Variants in ROBO2 observed in about 807,000 individuals in gnomAD.
The protein encoded by ROBO2 is roundabout guidance receptor 2.
In ROBO2, 53 loss-of-function variants were observed where a neutral mutation model predicts 160.8. The ratio of observed to expected loss-of-function variants is 0.33; its 90% CI spans 0.26 to 0.41. The LOEUF (loss-of-function observed/expected upper bound fraction) is 0.41, where lower values mean the gene tolerates loss of function less well. Among genes scored for constraint, ROBO2 ranks in the 10% least tolerant of loss-of-function variants. The pLI, the probability that ROBO2 is intolerant of heterozygous loss-of-function variation, is 1.00. For synonymous variants in ROBO2, 664 were observed against 611.7 expected, an observed-to-expected ratio of 1.09 and a Z score of -1.26; for missense variants, 1,577 against 1,722.4, an observed-to-expected ratio of 0.92 and a Z score of 1.49.
chr3:76,333,968 A>G (rs867380717), intron 2 of ROBO2, among the ~76,000 whole-genome samples: 1 of 152,134 alleles, frequency 6.6e-6, no homozygotes, highest in African/African-American at 2.4e-5. Context: ...CGGGATGGGG[A>G]ACATCACACA....
intron 2 of ROBO2, among the ~76,000 whole-genome samples, chr3:76,410,908 G>C (rs2075453147): frequency 6.6e-6 from 1 of 152,094 alleles, no homozygotes; most frequent in Non-Finnish European, 1.5e-5. Flanking sequence ...TAGGATTTTG[G>C]TCTTATGAAG....
intron 2 of ROBO2, among the ~76,000 whole-genome samples, chr3:76,226,111 A>T (rs1035920680): frequency 1.3e-5 from 2 of 152,200 alleles, no homozygotes; most frequent in African/African-American, 4.8e-5. Flanking sequence ...GAGATTCCTT[A>T]AAAAATAAAC....
intron 2 of ROBO2, among the ~76,000 whole-genome samples, chr3:76,009,797 G>T (rs1315716267): frequency 6.6e-6 from 1 of 152,122 alleles, no homozygotes; most frequent in African/African-American, 2.4e-5. Flanking sequence ...TTAAAGGTTG[G>T]CATGTAAGAA....
chr3:76,363,401 G>A (rs1321518870), intron 2 of ROBO2, among the ~76,000 whole-genome samples: 1 of 152,048 alleles, frequency 6.6e-6, no homozygotes, highest in South Asian at 2.1e-4. Flanking sequence ...CAAACATTAA[G>A]ATGTTTAACA....
intron 5 of ROBO2, among the ~76,000 whole-genome samples, chr3:77,520,499 G>A (rs1240486337): frequency 6.6e-6 from 1 of 150,896 alleles, no homozygotes; most frequent in Non-Finnish European, 1.5e-5. Context: ...ATGACCAATC[G>A]AAATAATATA....
rs2080246565 is a variant in ROBO2, at chr3:76,497,970, CTTTA to C, written c.109+560372_109+560375del. Among the ~76,000 whole-genome samples the C allele has an allele frequency of 2.6e-5, 4 of 152,298 alleles. No individual in the cohort carries two copies. The South Asian group carries it at 8.3e-4, about 32-fold the overall frequency. The stretch of plus-strand genomic sequence containing the variant: ...AAGCCAATGCTTCTTCCTTAACCTG[CTTTA>C]TTTGTCTTCACAACTTATCACTCCC... On this transcript the variant is annotated intron_variant, in intron 2 of 26. Transcript: ENST00000487694.
At chr3:77,175,576 T>A (rs1270369389) in intron 2 of ROBO2, among the ~76,000 whole-genome samples, 1 of 151,938 alleles carries the variant, frequency 6.6e-6, no homozygotes, top group Non-Finnish European at 1.5e-5. Context: ...TGGATAATCA[T>A]TTAGAAGCTA....
intron 2 of ROBO2, among the ~76,000 whole-genome samples, chr3:76,655,100 G>A (rs964028806): frequency 1.3e-5 from 2 of 150,626 alleles, no homozygotes; most frequent in African/African-American, 2.4e-5. Flanking sequence ...TAAATTTTAT[G>A]AATAGTATGG....
intron 2 of ROBO2, among the ~76,000 whole-genome samples, chr3:77,034,065 C>T (rs963430538): frequency 1.3e-5 from 2 of 149,380 alleles, no homozygotes; most frequent in Non-Finnish European, 1.5e-5. Context: ...GCCAAAATTG[C>T]TCAGAGAAAA....
intron 19 of ROBO2, 85 bp from the exon 21 acceptor site, chr3:77,602,125 C>A: frequency 7.3e-7 from 1 of 1,363,598 alleles, no homozygotes; most frequent in African/African-American, 1.4e-5. Flanking sequence ...TGCAGTGTGA[C>A]ACACTTATTT....
At chr3:77,161,144 C>T (rs755482925) in intron 2 of ROBO2, among the ~76,000 whole-genome samples, 4 of 152,132 alleles carry the variant, frequency 2.6e-5, no homozygotes, top group Non-Finnish European at 5.9e-5. Context: ...GCATGACTGC[C>T]TAGGGCATCT....
chr3:77,022,863 T>A (rs566874155), intron 2 of ROBO2, among the ~76,000 whole-genome samples: 1 of 152,300 alleles, frequency 6.6e-6, no homozygotes, highest in African/African-American at 2.4e-5. Flanking sequence ...ATTCACGTTG[T>A]TGTGCGGCCA....
intron 4 of ROBO2, among the ~76,000 whole-genome samples, chr3:77,490,377 A>T (rs1280882589): frequency 6.6e-6 from 1 of 152,110 alleles, no homozygotes; most frequent in African/African-American, 2.4e-5. Flanking sequence ...GGCGTGAGCC[A>T]CCACGCCCGG....
At chr3:77,201,294 A>G (rs909388449) in intron 2 of ROBO2, among the ~76,000 whole-genome samples, 3 of 152,186 alleles carry the variant, frequency 2.0e-5, no homozygotes, top group African/African-American at 4.8e-5. Context: ...TAGTGAGGGA[A>G]TACCTGACCA....
chr3:77,138,525 T>C (rs2076454491), intron 2 of ROBO2, among the ~76,000 whole-genome samples: 1 of 152,172 alleles, frequency 6.6e-6, no homozygotes, highest in African/African-American at 2.4e-5. Context: ...AACTATGTAT[T>C]CATATTAGAG....
At chr3:76,642,607 C>T (rs2090751980) in intron 2 of ROBO2, among the ~76,000 whole-genome samples, 1 of 151,972 alleles carries the variant, frequency 6.6e-6, no homozygotes, top group Non-Finnish European at 1.5e-5. Context: ...CCGCCTCGGC[C>T]TCCCAAAGTG....
At chr3:75,955,277 GT>G (rs781635858) in intron 2 of ROBO2, among the ~76,000 whole-genome samples, 19 of 151,772 alleles carry the variant, frequency 1.3e-4, no homozygotes, top group Non-Finnish European at 2.4e-4. Flanking sequence ...TTAAGCTCGT[GT>G]TTTCAAGATG....
At chr3:77,225,380 T>G (rs1419131469) in intron 2 of ROBO2, among the ~76,000 whole-genome samples, 1 of 151,952 alleles carries the variant, frequency 6.6e-6, no homozygotes, top group African/African-American at 2.4e-5. Context: ...CTTTGCGTAA[T>G]ATAGAATGAT....
chr3:76,367,440 C>A (rs1191634955), intron 2 of ROBO2, among the ~76,000 whole-genome samples: 4 of 151,744 alleles, frequency 2.6e-5, no homozygotes, highest in Non-Finnish European at 5.9e-5. Context: ...CAGGATGAGT[C>A]CTAGCACATT....
Sources: allele counts gnomAD v4.1 joint callset (sites outside exome capture counted in the v4.1 genomes callset), GRCh38; gene constraint gnomAD v4.1.1; transcripts MANE v1.5; gene names NCBI Gene and HGNC (gene_info 2026-07-23, HGNC 2026-07-21).